Variants in C4orf50 observed in about 807,000 individuals in gnomAD.
The protein encoded by C4orf50 is chromosome 4 open reading frame 50.
In C4orf50, 80 loss-of-function variants were observed where a neutral mutation model predicts 77.2. That is an observed-to-expected ratio of 1.04 (90% CI 0.87 to 1.25). The LOEUF (loss-of-function observed/expected upper bound fraction) is 1.25. C4orf50 is among the 50% of genes most tolerant of loss of function. The pLI, the probability that C4orf50 is intolerant of heterozygous loss-of-function variation, is 0.00. For missense variants in C4orf50, 1,257 were observed against 1,152.9 expected (o/e 1.09, Z -1.31); for synonymous variants, 532 against 465.3 (o/e 1.14, Z -1.84).
rs976675485 is a variant in C4orf50 at position 6,018,492 on chromosome 4, C to G, written c.-61G>C. The G allele has an allele frequency of 1.8e-5, 7 of 398,514 alleles. No homozygotes were observed. The South Asian group carries it at 6.5e-4, about 37-fold the overall frequency. The allele number at this position is 398,514 out of a possible 1,614,324, so 24.7% of individuals were successfully genotyped here. A position where few individuals can be genotyped will look rare whatever the true frequency, so the allele number is the denominator to read the frequency against. ...AAATTAAGTGAGTTTGCAACATTGACTTCCCGGAGATTTCAAGGTGGTGTT... is the reference window on the plus strand; with the variant it reads ...AAATTAAGTGAGTTTGCAACATTGAGTTCCCGGAGATTTCAAGGTGGTGTT... On this transcript the variant is annotated 5_prime_UTR_variant, in exon 23 of 34. Transcript: ENST00000531445. The surrounding 1 kb of genome is among the most constrained non-coding windows in gnomAD (Gnocchi z 5.1).
At chr4:5,997,079 C>T (rs76950725) in intron 25 of C4orf50, among the ~76,000 whole-genome samples, 13,431 of 152,020 alleles carry the variant, frequency 0.088, 780 homozygotes, top group Non-Finnish European at 0.12. Context: ...AAGGAAGAGA[C>T]AGAAATTCAA....
intron 7 of C4orf50, among the ~76,000 whole-genome samples, chr4:5,936,562 C>CAAAAAAAAAAAA (rs374200584): frequency 6.6e-5 from 5 of 75,402 alleles, no homozygotes; most frequent in Non-Finnish European, 9.3e-5. Flanking sequence ...GACGCCATCT[C>CAAAAAAAAAAAA]AAAAAAAAAA....
At chr4:5,987,948 T>C (rs527305393) in intron 28 of C4orf50, among the ~76,000 whole-genome samples, 1 of 152,182 alleles carries the variant, frequency 6.6e-6, no homozygotes, top group Admixed American at 6.5e-5. Flanking sequence ...GTTCTTTTCA[T>C]TGCAACTTTC....
chr4:5,909,136 G>C (rs183508092), intron 7 of C4orf50, among the ~76,000 whole-genome samples: 273 of 152,286 alleles, frequency 1.8e-3, no homozygotes, highest in African/African-American at 5.9e-3. Flanking sequence ...GCCTAACTTA[G>C]CAAGACTTAC....
intron 7 of C4orf50, among the ~76,000 whole-genome samples, chr4:5,945,835 C>A (rs1428665661): frequency 6.6e-6 from 1 of 152,188 alleles, no homozygotes; most frequent in East Asian, 1.9e-4. Flanking sequence ...ACTCGGCTGC[C>A]CTGCTGGCTG....
At chr4:5,923,728 C>T (rs1717388051) in intron 7 of C4orf50, among the ~76,000 whole-genome samples, 1 of 152,218 alleles carries the variant, frequency 6.6e-6, no homozygotes, top group Non-Finnish European at 1.5e-5. Context: ...AGGCCACACA[C>T]ATTGAGAGTT....
At chr4:5,999,867 G>T (rs1051905032) in intron 25 of C4orf50, among the ~76,000 whole-genome samples, 40 of 152,268 alleles carry the variant, frequency 2.6e-4, no homozygotes, top group African/African-American at 8.9e-4. Flanking sequence ...GCCTGAGTGG[G>T]GGTGGGCACT....
rs1578004491 is a variant in C4orf50 at position 6,015,318 on chromosome 4, C to T, written c.287+2827G>A. Reference sequence around the variant, plus strand: ...TCCTTGTAAGAGGAGGAGAGGAGGACACAGACACACACAGAGGGATGACCA... The same window carrying T: ...TCCTTGTAAGAGGAGGAGAGGAGGATACAGACACACACAGAGGGATGACCA... On this transcript the variant is annotated intron_variant, in intron 23 of 33. Coordinates refer to ENST00000531445, the Ensembl canonical transcript of C4orf50. This position sits in a 1 kb window ranked among gnomAD's most constrained non-coding sequence, Gnocchi z 4.4. Among the ~76,000 whole-genome samples the T allele has an allele frequency of 1.3e-5, 2 of 152,108 alleles. No homozygotes were observed. The highest frequency in any genetic ancestry group is 2.9e-5 in the Non-Finnish European group (2 of 68,036).
At chr4:5,994,288 T>G (rs1280333918) in intron 26 of C4orf50, 59 bp downstream of exon 4, 1 of 398,852 alleles carries the variant, frequency 2.5e-6, no homozygotes, top group African/African-American at 2.1e-5. Context: ...GGAAGTGAGC[T>G]AGCCATTCAG....
At chr4:5,904,637 C>G (rs1716471818) in intron 7 of C4orf50, 2 of 152,298 alleles carry the variant, frequency 1.3e-5, no homozygotes, top group East Asian at 3.9e-4. Context: ...CGGACAGAGT[C>G]CTTTCTGCCG....
At chr4:5,972,940 TCTC>T (rs1348058236) in intron 31 of C4orf50, among the ~76,000 whole-genome samples, 3 of 152,124 alleles carry the variant, frequency 2.0e-5, no homozygotes, top group Non-Finnish European at 4.4e-5. Flanking sequence ...CCGGAGCACA[TCTC>T]CTAACCTCTC....
rs749527086 is a variant in C4orf50, at chr4:5,915,170, C to G, written c.*2475-16982G>C. Reference sequence around the variant, plus strand: ...CTGTAAATCTAGTTCTGAAATACCCCCTTCCTGGGTCCACCTGCCTTAAGA... The same window carrying G: ...CTGTAAATCTAGTTCTGAAATACCCGCTTCCTGGGTCCACCTGCCTTAAGA... On this transcript the variant is annotated intron_variant, in intron 7 of 7. Transcript: ENST00000324058. Among the ~76,000 whole-genome samples the G allele has an allele frequency of 9.2e-5, 14 of 152,290 alleles. 1 individual carries two copies. Among genetic ancestry groups the G allele is most frequent in the South Asian group, 4.2e-4 (2 of 4,818 alleles).
At chr4:5,903,727 G>T (rs1252501942) in intron 7 of C4orf50, 1 of 152,146 alleles carries the variant, frequency 6.6e-6, no homozygotes, top group Non-Finnish European at 1.5e-5. Context: ...GATGGTGATG[G>T]TTGCACCACA....
chr4:5,980,297 C>T, exon 29 of C4orf50: 1 of 1,612,558 alleles, frequency 6.2e-7, no homozygotes, highest in Non-Finnish European at 8.5e-7. Context: ...GGGCCCGCAG[C>T]CTGGGATCCT....
At chr4:5,912,747 G>C (rs942558778) in intron 7 of C4orf50, among the ~76,000 whole-genome samples, 2 of 152,210 alleles carry the variant, frequency 1.3e-5, no homozygotes, top group Admixed American at 6.5e-5. Context: ...TTTATTGTGA[G>C]TTCTGCAGGA....
intron 28 of C4orf50, among the ~76,000 whole-genome samples, chr4:5,982,421 G>A (rs959637659): frequency 6.6e-6 from 1 of 152,232 alleles, no homozygotes; most frequent in Non-Finnish European, 1.5e-5. Flanking sequence ...ACGCTGGCCT[G>A]AGATGGGCGG....
chr4:5,922,610 A>G (rs904041995), intron 7 of C4orf50, among the ~76,000 whole-genome samples: 3 of 152,162 alleles, frequency 2.0e-5, no homozygotes, highest in African/African-American at 7.2e-5. Context: ...CCTTGCTTGT[A>G]AACTGCCTAT....
At chr4:5,918,630 A>G (rs1350779819) in intron 7 of C4orf50, among the ~76,000 whole-genome samples, 1 of 152,210 alleles carries the variant, frequency 6.6e-6, no homozygotes, top group Admixed American at 6.5e-5. Context: ...GAAATGAGAG[A>G]GCAAGTCACG....
Position 6,000,182 on chromosome 4 carries a change from A to G in C4orf50, c.964-5706T>C, listed in dbSNP as rs1466679004. Among the ~76,000 whole-genome samples the G allele has an allele frequency of 6.6e-6, 1 of 152,116 alleles. No homozygotes were observed. The highest frequency in any genetic ancestry group is 1.5e-5 in the Non-Finnish European group (1 of 68,016). ...CCCAGTCCTTTGAAGATGCACTGGC[A>G]GCCTTGGGCAGTCACACAGCATGCG... is the stretch of plus-strand genomic sequence containing the variant. On this transcript the variant is annotated intron_variant, in intron 25 of 33. Coordinates refer to ENST00000531445, the Ensembl canonical transcript of C4orf50. This position sits in a 1 kb window ranked among gnomAD's most constrained non-coding sequence, Gnocchi z 6.0.
Sources: allele counts gnomAD v4.1 joint callset (sites outside exome capture counted in the v4.1 genomes callset), GRCh38; gene constraint gnomAD v4.1.1; non-coding constraint Gnocchi (gnomAD v3.1); transcripts MANE v1.5; gene names NCBI Gene and HGNC (gene_info 2026-07-23, HGNC 2026-07-21).